The following TEX261 variants were observed in gnomAD, a reference collection of about 807,000 sequenced individuals.
TEX261 encodes protein TEX261.
Under a neutral mutation model 25.1 loss-of-function variants are expected in TEX261, and 13 were observed. The observed-to-expected ratio is 0.52, with a 90% CI of 0.34 to 0.82. The LOEUF is 0.82. Among genes scored for constraint, TEX261 ranks in the 40% least tolerant of loss-of-function variants. TEX261 has a pLI of 0.02. For missense variants in TEX261, 206 were observed against 243.2 expected, an observed-to-expected ratio of 0.85 and a Z score of 1.02; for synonymous variants, 92 against 97.8, an observed-to-expected ratio of 0.94 and a Z score of 0.35.
Position 70,991,931 on chromosome 2 carries a change from C to G in TEX261, c.203G>C (p.Ser68Thr), listed in dbSNP as rs1670305728. Residue 68 changes from serine to threonine, a missense_variant, in exon 3 of 6, where the codon AGC becomes ACC. Physicochemically the swap from Ser to Thr is moderately conservative, Grantham distance 58 (BLOSUM62 1). Transcript: ENST00000272438. ...GGTGAATAGGCCCACTCCAATCATG[C>G]TGGTGGGGAAGCGCTCAAAGACGTA... ...GLYVFERFPT[S>T]MIGVGLFTNL... The G allele has an allele frequency of 6.2e-7, 1 of 1,613,398 alleles. No homozygotes were observed. The highest frequency in any genetic ancestry group is 8.5e-7 in the Non-Finnish European group (1 of 1,179,666).
chr2:70,992,043 A>G, intron 2 of TEX261, 60 bp from the exon 3 acceptor site: 5 of 1,487,290 alleles, frequency 3.4e-6, no homozygotes, highest in Non-Finnish European at 3.6e-6. Flanking sequence ...TCCTGGACTC[A>G]CCAACCCCCA....
intron 2 of TEX261, among the ~76,000 whole-genome samples, chr2:70,993,128 C>T (rs571010339): frequency 1.3e-5 from 2 of 152,348 alleles, no homozygotes; most frequent in East Asian, 3.9e-4. Flanking sequence ...AATGGCACCC[C>T]TACCCCCAGC....
intron 3 of TEX261, among the ~76,000 whole-genome samples, chr2:70,990,802 G>A (rs920005463): frequency 6.6e-6 from 1 of 152,214 alleles, no homozygotes; most frequent in Non-Finnish European, 1.5e-5. Context: ...AGGGAGTGAA[G>A]TCAGGGGAGC....
In TEX261 at chr2:70,993,787, G is replaced by A. The variant is rs201347807; in HGVS notation, c.71-12C>T. 859 of 1,609,334 alleles carry A rather than the reference G, an allele frequency of 5.3e-4. 3 individuals carry two copies. Among genetic ancestry groups the A allele is most frequent in the Middle Eastern group, 3.9e-3 (18 of 4,622 alleles). Reference sequence around the variant, plus strand: ...ATAGAGTCCAGCCGCTGCAGGGTGGGAGGCAGGGAGACTATCAGCCAGGGT... The same window carrying A: ...ATAGAGTCCAGCCGCTGCAGGGTGGAAGGCAGGGAGACTATCAGCCAGGGT... On this transcript the variant is annotated splice_polypyrimidine_tract_variant and intron_variant, in intron 1 of 5. Coordinates refer to ENST00000272438, the MANE Select transcript of TEX261 (RefSeq NM_144582.3).
chr2:70,989,510 G>A (rs72832798), intron 4 of TEX261: 93,587 of 516,554 alleles, frequency 0.18, 9,333 homozygotes, highest in Non-Finnish European at 0.21. Flanking sequence ...ATGACCCCTC[G>A]AGGGGGACCC....
In TEX261 at chr2:70,987,473, C is replaced by T. The variant is rs782139536; in HGVS notation, c.*1127G>A. 5.9e-5 allele frequency: 9 copies of T among 152,600 alleles called. No individual in the cohort carries two copies. Among genetic ancestry groups the T allele is most frequent in the Admixed American group, 1.3e-4 (2 of 15,264 alleles). The allele number at this position is 152,600 out of a possible 1,614,324, so 9.5% of individuals were successfully genotyped here. ...GTATAGAACATGGCCAGAAATGGCTCTCATAGGGACTTCATTCCAATATGT... is the reference window on the plus strand; with the variant it reads ...GTATAGAACATGGCCAGAAATGGCTTTCATAGGGACTTCATTCCAATATGT... On this transcript the variant is annotated 3_prime_UTR_variant, in exon 6 of 6. Coordinates refer to ENST00000272438, the MANE Select transcript of TEX261 (RefSeq NM_144582.3).
intron 3 of TEX261, 174 bp downstream of exon 3, chr2:70,991,656 A>G (rs1343649551): frequency 5.9e-6 from 4 of 676,518 alleles, no homozygotes; most frequent in Non-Finnish European, 9.7e-6. Flanking sequence ...TATTCACTAG[A>G]GCCAAGGTGG....
chr2:70,989,030 G>C lies in TEX261; in HGVS notation c.373-13C>G. On this transcript the variant is annotated splice_polypyrimidine_tract_variant and intron_variant, in intron 4 of 5. Coordinates refer to ENST00000272438, the MANE Select transcript of TEX261 (RefSeq NM_144582.3). ...AATAGGCCAGGACCTGGCAACAAGA[G>C]AGACTGAGAAGAGGGTGCCCCGGAG... 6.2e-7 allele frequency: 1 copy of C among 1,609,922 alleles called. No homozygotes were observed. The highest frequency in any genetic ancestry group is 8.5e-7 in the Non-Finnish European group (1 of 1,177,828).
chr2:70,988,753 A>AGC (rs1553425232), intron 5 of TEX261, 38 bp from the exon 6 acceptor site: 3 of 1,351,514 alleles, frequency 2.2e-6, no homozygotes, highest in African/African-American at 2.9e-5. Context: ...AGAGAGAGAG[A>AGC]GTGTGTGTGT....
Position 70,993,718 on chromosome 2 carries a change from C to G in TEX261, c.128G>C (p.Arg43Thr). The G allele has an allele frequency of 6.2e-7, 1 of 1,613,784 alleles. No individual in the cohort carries two copies. Among genetic ancestry groups the G allele is most frequent in the Non-Finnish European group, 8.5e-7 (1 of 1,179,994 alleles). ...TACCCAGATCATGTATTTTATGATCCTGCTGGTGGCCACTGTGTATTCTTC... is the reference window on the plus strand; with the variant it reads ...TACCCAGATCATGTATTTTATGATCGTGCTGGTGGCCACTGTGTATTCTTC... ...LIEEYTVATSRIIKYMIWFST... is the reference protein window; with the variant it reads ...LIEEYTVATSTIIKYMIWFST... Residue 43 changes from arginine (R) to threonine (T), a missense_variant, in exon 2 of 6, where the codon AGG becomes ACG. Transcript: ENST00000272438.
rs1180234263 is a variant in TEX261 at position 70,994,804 on chromosome 2, G to C, written c.-47C>G. The stretch of plus-strand genomic sequence containing the variant: ...CCCGGCCACCGGGACGGGCCTGCGC[G>C]CTTCGGCTCCGGCGACACACAGCCG... On this transcript the variant is annotated 5_prime_UTR_variant, in exon 1 of 6. Transcript: ENST00000272438. The C allele has an allele frequency of 1.4e-6, 2 of 1,463,816 alleles. No individual in the cohort carries two copies. The highest frequency in any genetic ancestry group is 1.8e-6 in the Non-Finnish European group (2 of 1,103,826). The allele number at this position is 1,463,816 out of a possible 1,614,324, so 90.7% of individuals were successfully genotyped here.
rs558387788 is a variant in TEX261, at chr2:70,991,459, C to T, written c.304+371G>A. On this transcript the variant is annotated intron_variant, in intron 3 of 5. Coordinates refer to ENST00000272438, the MANE Select transcript of TEX261 (RefSeq NM_144582.3). ...AATGACTTTGGGTCAGAGGACTGGA[C>T]GGACAGCTGCCTGCCTACCGGAAGG... Among the ~76,000 whole-genome samples the T allele has an allele frequency of 1.6e-4, 24 of 152,346 alleles. No homozygotes were observed. In the East Asian group the frequency reaches 4.0e-3, roughly 26 times the overall value.
chr2:70,991,959 G>T lies in TEX261; in HGVS notation c.175C>A (p.Leu59Ile), dbSNP rs201866499. Reference protein sequence around the residue: ...IWFSTAVLIGLYVFERFPTSM... With the variant: ...IWFSTAVLIGIYVFERFPTSM... ...GTGGGGAAGCGCTCAAAGACGTAGA[G>T]GCCAATCAGTACAGCGGTGGAGAAC... is the stretch of plus-strand genomic sequence containing the variant. The change falls in exon 3 of 6, where the codon CTC becomes ATC. Residue 59 changes from leucine (L) to isoleucine (I), a missense_variant. Transcript: ENST00000272438. 1 of 1,611,140 alleles carries T rather than the reference G, an allele frequency of 6.2e-7. No homozygotes were observed. Among genetic ancestry groups the T allele is most frequent in the East Asian group, 2.2e-5 (1 of 44,852 alleles).
At chr2:70,994,086 C>T (rs4241244) in intron 1 of TEX261, among the ~76,000 whole-genome samples, 57,324 of 152,206 alleles carry the variant, frequency 0.38, 12,043 homozygotes, top group African/African-American at 0.56. Context: ...AGCCAGGTCC[C>T]TGGGCTGAGA....
intron 3 of TEX261, among the ~76,000 whole-genome samples, chr2:70,990,547 T>C (rs1234566759): frequency 2.0e-5 from 3 of 152,154 alleles, no homozygotes; most frequent in East Asian, 3.9e-4. Flanking sequence ...CCGGTTCCCA[T>C]GGTGAGGTGA....
rs782748717 is a variant in TEX261 at position 70,988,645 on chromosome 2, G to C, written c.546C>G (p.Ser182=). The part of the protein sequence containing the change: ...GKRLGILVVF[S]FIKEAILPSR... ...TGGGTAGAATGGCCTCTTTGATGAA[G>C]GAGAAGACAACCAGGATCCCTAAGC... Residue 182 remains serine (S), a synonymous_variant, in exon 6 of 6, where the codon TCC becomes TCG. Coordinates refer to ENST00000272438, the MANE Select transcript of TEX261 (RefSeq NM_144582.3). 21 of 1,614,090 alleles carry C rather than the reference G, an allele frequency of 1.3e-5. No homozygotes were observed. The highest frequency in any genetic ancestry group is 1.8e-5 in the Non-Finnish European group (21 of 1,180,052).
chr2:70,994,567 C>T (rs1368616643), intron 1 of TEX261, 121 bp downstream of exon 1: 35 of 1,421,850 alleles, frequency 2.5e-5, no homozygotes, highest in Non-Finnish European at 3.2e-5. Flanking sequence ...GTTGGGGCGG[C>T]GAAGGCCGGG....
intron 3 of TEX261, 109 bp downstream of exon 3, chr2:70,991,720 TG>T: frequency 7.4e-7 from 1 of 1,348,488 alleles, no homozygotes; most frequent in Non-Finnish European, 1.0e-6. Context: ...CCTGGCTTCC[TG>T]GAGGACTTCA....
rs1399644482 is a variant in TEX261, at chr2:70,988,265, C to G, written c.*335G>C. On this transcript the variant is annotated 3_prime_UTR_variant, in exon 6 of 6. Transcript: ENST00000272438. ...CCCAGAGAACTTGTCACCATCTGCT[C>G]TTAAGCTTCACAGACCCTGCCCTGC... The G allele has an allele frequency of 7.3e-6, 2 of 274,704 alleles. No homozygotes were observed. Among genetic ancestry groups the G allele is most frequent in the African/African-American group, 4.4e-5 (2 of 45,410 alleles). The allele number at this position is 274,704 out of a possible 1,614,324, so 17.0% of individuals were successfully genotyped here.
Sources: gnomAD v4.1 joint callset for allele counts (sites outside exome capture counted in the v4.1 genomes callset) on GRCh38, gnomAD v4.1.1 for gene constraint, MANE v1.5 for transcripts, NCBI Gene and HGNC (gene_info 2026-07-23, HGNC 2026-07-21) for gene names.